Variants in TDRD3 observed in about 807,000 individuals in gnomAD.
The protein encoded by TDRD3 is tudor domain containing 3, also known as tudor domain-containing protein 3.
Under a neutral mutation model 86.7 loss-of-function variants are expected in TDRD3, and 45 were observed. The observed-to-expected ratio is 0.52, with a 90% CI of 0.41 to 0.67. The LOEUF (loss-of-function observed/expected upper bound fraction) is 0.67. TDRD3 is among the 30% of genes least tolerant of loss of function. The pLI, the probability that TDRD3 is intolerant of heterozygous loss-of-function variation, is 0.00. For missense variants in TDRD3, 814 were observed against 889.0 expected (o/e 0.92, Z 1.07); for synonymous variants, 298 against 301.7 (o/e 0.99, Z 0.13).
intron 11 of TDRD3, among the ~76,000 whole-genome samples, chr13:60,532,445 A>G (rs1305129089): frequency 6.6e-6 from 1 of 152,208 alleles, no homozygotes; most frequent in Non-Finnish European, 1.5e-5. Flanking sequence ...TGAAACCACA[A>G]ATTGAAGAGG....
At chr13:60,428,726 A>C (rs1365141134) in intron 1 of TDRD3, among the ~76,000 whole-genome samples, 1 of 152,206 alleles carries the variant, frequency 6.6e-6, no homozygotes, top group Non-Finnish European at 1.5e-5. Flanking sequence ...TTGTGGGCCC[A>C]CAGAGAAGAC....
intron 1 of TDRD3, among the ~76,000 whole-genome samples, chr13:60,429,954 C>T (rs1423032790): frequency 6.6e-6 from 1 of 152,142 alleles, no homozygotes; most frequent in Non-Finnish European, 1.5e-5. Context: ...TTATTTAGCA[C>T]CTACTGTATT....
chr13:60,405,293 T>C (rs1381219025), intron 1 of TDRD3, among the ~76,000 whole-genome samples: 1 of 152,098 alleles, frequency 6.6e-6, no homozygotes, highest in African/African-American at 2.4e-5. Flanking sequence ...TTAAACAGCA[T>C]ATTGTGGCAG....
intron 1 of TDRD3, among the ~76,000 whole-genome samples, chr13:60,432,391 GTTA>G (rs1286746850): frequency 6.6e-6 from 1 of 151,956 alleles, no homozygotes; most frequent in Non-Finnish European, 1.5e-5. Flanking sequence ...TACTAATCTT[GTTA>G]TTCATTATGG....
At chr13:60,466,015 A>C (rs922053177) in intron 4 of TDRD3, among the ~76,000 whole-genome samples, 11 of 152,172 alleles carry the variant, frequency 7.2e-5, no homozygotes, top group African/African-American at 2.4e-4. Flanking sequence ...CTGGTTTTCT[A>C]TAAGAAGAGT....
At chr13:60,560,217 C>G (rs1267401303) in intron 12 of TDRD3, among the ~76,000 whole-genome samples, 2 of 152,104 alleles carry the variant, frequency 1.3e-5, no homozygotes, top group Admixed American at 1.3e-4. Context: ...GCTAAGTACT[C>G]TGAGCCTTAG....
intron 10 of TDRD3, among the ~76,000 whole-genome samples, chr13:60,525,508 T>C (rs1957408361): frequency 6.6e-6 from 1 of 152,122 alleles, no homozygotes; most frequent in East Asian, 1.9e-4. Flanking sequence ...ATTTTCTTTA[T>C]AAATTTTACT....
At position 60,435,933 on chromosome 13, in the gene TDRD3, C is replaced by CTTTTTTTTTTTTTTTTTTTT. The variant is rs1175974016; in HGVS notation, c.42-3750_42-3749insTTTTTTTTTTTTTTTTTTTT. Among the ~76,000 whole-genome samples the CTTTTTTTTTTTTTTTTTTTT allele has an allele frequency of 1.1e-3, 124 of 114,024 alleles. 1 individual carries two copies. The highest frequency in any genetic ancestry group is 1.6e-3 in the South Asian group (5 of 3,110). 74.8% of individuals were successfully genotyped at this position (114,024 alleles called of 152,430 possible). On this transcript the variant is annotated intron_variant, in intron 1 of 13. Coordinates refer to ENST00000377881, the MANE Select transcript of TDRD3 (RefSeq NM_001146070.2). The stretch of plus-strand genomic sequence containing the variant: ...AACATCTATGGTTTTTTTTTTTTTA[C>CTTTTTTTTTTTTTTTTTTTT]TTTTTAATTATGGCCTTTCTTAGAG...
chr13:60,482,039 T>C (rs1956328817), intron 5 of TDRD3, among the ~76,000 whole-genome samples: 1 of 152,218 alleles, frequency 6.6e-6, no homozygotes, highest in Non-Finnish European at 1.5e-5. Flanking sequence ...TTAGTCTGCA[T>C]GGTCTGATCT....
Position 60,511,073 on chromosome 13 carries a change from T to C in TDRD3, c.1141+318T>C, listed in dbSNP as rs577736909. 3.2e-4 allele frequency among the ~76,000 whole-genome samples: 49 copies of C among 152,220 alleles called. 2 individuals carry two copies. The South Asian group carries it at 9.5e-3, about 30-fold the overall frequency. The stretch of plus-strand genomic sequence containing the variant: ...ATTTATTATAATCTTATATAACTTA[T>C]TTTGCTTGTGAAATTGATATATCTC... On this transcript the variant is annotated intron_variant, in intron 10 of 13. Transcript: ENST00000377881.
intron 2 of TDRD3, among the ~76,000 whole-genome samples, chr13:60,440,623 G>A (rs1222236802): frequency 6.6e-6 from 1 of 152,102 alleles, no homozygotes; most frequent in Non-Finnish European, 1.5e-5. Flanking sequence ...GGAGGTTGCA[G>A]TGAGCCGAGA....
At chr13:60,464,786 G>A (rs1781240657) in intron 4 of TDRD3, among the ~76,000 whole-genome samples, 1 of 152,108 alleles carries the variant, frequency 6.6e-6, no homozygotes, top group Non-Finnish European at 1.5e-5. Context: ...TGGCAGCCAG[G>A]AAGGATAGTG....
At chr13:60,441,278 T>C (rs1489420168) in intron 2 of TDRD3, among the ~76,000 whole-genome samples, 1 of 152,088 alleles carries the variant, frequency 6.6e-6, no homozygotes, top group Non-Finnish European at 1.5e-5. Context: ...GACAATTTGC[T>C]GGGGTTTTTT....
At chr13:60,486,371 T>C (rs1956435771) in intron 7 of TDRD3, among the ~76,000 whole-genome samples, 3 of 152,198 alleles carry the variant, frequency 2.0e-5, no homozygotes, top group Non-Finnish European at 4.4e-5. Flanking sequence ...TCAGCGGATC[T>C]GTCACTGTGT....
At chr13:60,479,978 T>C (rs537560452) in intron 5 of TDRD3, among the ~76,000 whole-genome samples, 2 of 152,328 alleles carry the variant, frequency 1.3e-5, no homozygotes, top group Non-Finnish European at 2.9e-5. Context: ...CTTTTAAGTG[T>C]GTCATTTAAC....
At chr13:60,415,750 G>T (rs1221869324) in intron 1 of TDRD3, among the ~76,000 whole-genome samples, 1 of 152,062 alleles carries the variant, frequency 6.6e-6, no homozygotes, top group Non-Finnish European at 1.5e-5. Flanking sequence ...CATGTCCAGA[G>T]ATTTATTGAG....
At chr13:60,397,703 C>T (rs1396950601) in intron 1 of TDRD3, among the ~76,000 whole-genome samples, 3 of 150,084 alleles carry the variant, frequency 2.0e-5, no homozygotes, top group Admixed American at 6.6e-5. Flanking sequence ...GGGCGGGTGG[C>T]GGCCCAGACC....
intron 3 of TDRD3, among the ~76,000 whole-genome samples, chr13:60,445,948 A>G (rs886692977): frequency 6.6e-5 from 10 of 152,110 alleles, no homozygotes; most frequent in Non-Finnish European, 1.5e-4. Context: ...ACTCTTTCAG[A>G]GTGTTTTTAC....
At chr13:60,397,198 C>T, upstream of TDRD3, 1 of 421,222 alleles carries the variant, frequency 2.4e-6, no homozygotes, top group Admixed American at 4.3e-5. Flanking sequence ...GAGCGGAACC[C>T]GCACGCGGAA....
Sources: gnomAD v4.1 joint callset for allele counts (sites outside exome capture counted in the v4.1 genomes callset) on GRCh38, gnomAD v4.1.1 for gene constraint, MANE v1.5 for transcripts, NCBI Gene and HGNC (gene_info 2026-07-23, HGNC 2026-07-21) for gene names.